Variants in DHCR24 observed in about 807,000 individuals in gnomAD.
DHCR24 encodes 24-dehydrocholesterol reductase, also known as delta(24)-sterol reductase.
In DHCR24, 28 loss-of-function variants were observed where a neutral mutation model predicts 61.2. The observed-to-expected ratio is 0.46, with a 90% confidence interval of 0.34 to 0.63. The LOEUF (loss-of-function observed/expected upper bound fraction) is 0.63, where lower values mean the gene tolerates loss of function less well. Among genes scored for constraint, DHCR24 ranks in the 20% least tolerant of loss-of-function variants. DHCR24 has a pLI of 0.01. For missense variants in DHCR24, 538 were observed against 679.1 expected (o/e 0.79, Z 2.31); for synonymous variants, 261 against 275.9 (o/e 0.95, Z 0.54).
At chr1:54,871,752 C>T in intron 4 of DHCR24, 139 bp from the exon 5 acceptor site, 1 of 1,247,976 alleles carries the variant, frequency 8.0e-7, no homozygotes, top group Non-Finnish European at 1.1e-6. Context: ...GCTTTACAAA[C>T]TGTGCTTGCT....
At chr1:54,860,751 CGG>C (rs36173557) in intron 6 of DHCR24, among the ~76,000 whole-genome samples, 1 of 152,156 alleles carries the variant, frequency 6.6e-6, no homozygotes, top group South Asian at 2.1e-4. Context: ...TTTGGGAGGC[CGG>C]GGCGGGCGGA....
At chr1:54,882,295 G>C (rs568698396) in intron 2 of DHCR24, among the ~76,000 whole-genome samples, 1 of 152,258 alleles carries the variant, frequency 6.6e-6, no homozygotes, top group East Asian at 1.9e-4. Context: ...AAATTACAAT[G>C]AAAAACTACT....
chr1:54,876,024 C>A lies in DHCR24; in HGVS notation c.411G>T (p.Val137=). 6.2e-7 allele frequency: 1 copy of A among 1,613,916 alleles called. No individual in the cohort carries two copies. The highest frequency in any genetic ancestry group is 1.1e-5 in the South Asian group (1 of 91,040). ...GCAGGGCAGTCACCTGGCCCATGGT[C>A]ACCAAGGGCTCCACACGGACAATCT... The part of the protein sequence containing the change: ...KKQIVRVEPL[V]TMGQVTALLT... Residue 137 remains valine, a synonymous_variant, in exon 3 of 9, where the codon GTG becomes GTT. Transcript: ENST00000371269.
chr1:54,884,762 A>G (rs1185860084), intron 1 of DHCR24, among the ~76,000 whole-genome samples: 1 of 152,170 alleles, frequency 6.6e-6, no homozygotes, highest in African/African-American at 2.4e-5. Context: ...CAGATTAATG[A>G]CATCTCATTA....
rs770259892 is a variant in DHCR24 at position 54,887,003 on chromosome 1, G to C, written c.117C>G (p.Leu39=). The change falls in exon 1 of 9, where the codon CTC becomes CTG. Residue 39 remains leucine, a synonymous_variant. Transcript: ENST00000371269. ...HQRWVFVCLF[L]LPLSLIFDIY... is the part of the protein sequence containing the mutation. ...TATCGAAGATAAGCGAGAGCGGCAGGAGGAAGAGGCACACGAACACCCAGC... is the reference window on the plus strand; with the variant it reads ...TATCGAAGATAAGCGAGAGCGGCAGCAGGAAGAGGCACACGAACACCCAGC... 1 of 1,613,666 alleles carries C rather than the reference G, an allele frequency of 6.2e-7. No homozygotes were observed. The highest frequency in any genetic ancestry group is 1.1e-5 in the South Asian group (1 of 90,996).
At chr1:54,857,338 C>G (rs1012604456) in intron 6 of DHCR24, among the ~76,000 whole-genome samples, 1 of 152,260 alleles carries the variant, frequency 6.6e-6, no homozygotes, top group Non-Finnish European at 1.5e-5. Flanking sequence ...CCAGGAACCC[C>G]AGCCCCAGCA....
intron 6 of DHCR24, among the ~76,000 whole-genome samples, chr1:54,859,973 C>G (rs1646926847): frequency 6.6e-6 from 1 of 152,184 alleles, no homozygotes; most frequent in South Asian, 2.1e-4. Flanking sequence ...GCAAAATTGC[C>G]CACCACCTGC....
chr1:54,857,309 C>G (rs57407410), intron 6 of DHCR24, among the ~76,000 whole-genome samples: 27 of 152,382 alleles, frequency 1.8e-4, no homozygotes, highest in African/African-American at 6.5e-4. Context: ...CATGGCAAAT[C>G]TAAGGGGCCC....
intron 5 of DHCR24, among the ~76,000 whole-genome samples, chr1:54,869,666 C>T (rs770069067): frequency 6.6e-6 from 1 of 151,950 alleles, no homozygotes; most frequent in East Asian, 1.9e-4. Flanking sequence ...CTTTGGGAGG[C>T]TGAGGTGGGA....
intron 2 of DHCR24, among the ~76,000 whole-genome samples, chr1:54,880,102 A>C (rs1048243925): frequency 8.5e-4 from 129 of 152,214 alleles, no homozygotes; most frequent in African/African-American, 3.1e-3. Context: ...AATAGCCTTT[A>C]GCCAGACTGT....
At chr1:54,885,608 T>C (rs550726725) in intron 1 of DHCR24, among the ~76,000 whole-genome samples, 1 of 152,300 alleles carries the variant, frequency 6.6e-6, no homozygotes, top group East Asian at 1.9e-4. Flanking sequence ...GCTGTGAGGA[T>C]GGCAATGGCA....
intron 5 of DHCR24, among the ~76,000 whole-genome samples, chr1:54,868,498 T>A (rs1380253668): frequency 6.6e-5 from 10 of 151,890 alleles, no homozygotes; most frequent in Non-Finnish European, 1.0e-4. Context: ...TTACTCAAAT[T>A]ACAGACAAAA....
At chr1:54,886,694 G>A (rs1331038598) in intron 1 of DHCR24, 195 bp downstream of exon 1, 11 of 1,491,768 alleles carry the variant, frequency 7.4e-6, no homozygotes, top group South Asian at 1.2e-5. Flanking sequence ...CACACAGTGG[G>A]CACTTTGCCT....
intron 5 of DHCR24, among the ~76,000 whole-genome samples, chr1:54,871,038 G>A (rs905008076): frequency 6.6e-6 from 1 of 152,196 alleles, no homozygotes; most frequent in Admixed American, 6.5e-5. Flanking sequence ...GAGCCACTGT[G>A]CCCAGCCTAC....
Position 54,865,034 on chromosome 1 carries a change from G to A in DHCR24, c.1020+269C>T, listed in dbSNP as rs1038756771. Among the ~76,000 whole-genome samples the A allele has an allele frequency of 2.6e-5, 4 of 152,244 alleles. No homozygotes were observed. The South Asian group carries it at 8.3e-4, about 32-fold the overall frequency. On this transcript the variant is annotated intron_variant, in intron 6 of 8. Transcript: ENST00000371269. ...TAGAGGCTAACCCTTCCTCAAGGGC[G>A]GAACAGGTCTGTGTTCCCCAAAGTA...
intron 4 of DHCR24, among the ~76,000 whole-genome samples, chr1:54,874,380 C>T (rs1647015034): frequency 6.6e-6 from 1 of 152,088 alleles, no homozygotes; most frequent in Non-Finnish European, 1.5e-5. Flanking sequence ...TTTACTGTAC[C>T]TTTTCCAAGT....
intron 2 of DHCR24, among the ~76,000 whole-genome samples, chr1:54,879,504 A>G (rs1006249142): frequency 9.9e-5 from 15 of 152,200 alleles, no homozygotes; most frequent in Middle Eastern, 3.4e-3. Context: ...GAGAGGAAAA[A>G]AATTTCTTTT....
intron 5 of DHCR24, among the ~76,000 whole-genome samples, chr1:54,869,254 G>T (rs1443848820): frequency 6.6e-6 from 1 of 152,192 alleles, no homozygotes; most frequent in African/African-American, 2.4e-5. Context: ...CCTATTTAGT[G>T]TTGGCAAGAA....
Position 54,871,409 on chromosome 1 carries a change from A to C in DHCR24, c.817T>G (p.Ser273Ala). 3 of 1,614,114 alleles carry C rather than the reference A, an allele frequency of 1.9e-6. No homozygotes were observed. Among genetic ancestry groups the C allele is most frequent in the Non-Finnish European group, 2.5e-6 (3 of 1,180,018 alleles). Residue 273 changes from serine to alanine, a missense_variant, in exon 5 of 9, where the codon TCC becomes GCC. By Grantham distance (99) the Ser-to-Ala change is moderately conservative. Transcript: ENST00000371269. ...ENHFVEGLLY[S>A]LDEAVIMTGV... is the part of the protein sequence containing the mutation. ...GTCATAATGACAGCCTCATCCAGGGAGTAGAGCAGCCCTTCCACGAAGTGG... is the reference window on the plus strand; with the variant it reads ...GTCATAATGACAGCCTCATCCAGGGCGTAGAGCAGCCCTTCCACGAAGTGG...
Sources: gnomAD v4.1 joint callset for allele counts (sites outside exome capture counted in the v4.1 genomes callset) on GRCh38, gnomAD v4.1.1 for gene constraint, MANE v1.5 for transcripts, NCBI Gene and HGNC (gene_info 2026-07-23, HGNC 2026-07-21) for gene names.